The following GBF1 variants were observed in gnomAD, a reference collection of about 807,000 sequenced individuals.
GBF1 encodes the protein Golgi-specific brefeldin A-resistance guanine nucleotide exchange factor 1.
In GBF1, 114 loss-of-function variants were observed where a neutral mutation model predicts 210.5. That is an observed-to-expected ratio of 0.54 (90% CI 0.47 to 0.63). GBF1 has a LOEUF of 0.63. GBF1 is among the 30% of genes least tolerant of loss of function. GBF1 has a pLI of 0.00. For missense variants in GBF1, 1,851 were observed against 2,357.7 expected (o/e 0.79, Z 4.45); for synonymous variants, 850 against 889.2 (o/e 0.96, Z 0.78).
intron 3 of GBF1, among the ~76,000 whole-genome samples, chr10:102,281,574 A>G (rs1276420862): frequency 1.3e-5 from 2 of 149,048 alleles, no homozygotes; most frequent in Non-Finnish European, 3.0e-5. Flanking sequence ...TTATATTTAT[A>G]TAAATTGTTA....
At chr10:102,351,229 T>A in intron 4 of GBF1, 27 bp from the exon 5 acceptor site, 1 of 1,252,086 alleles carries the variant, frequency 8.0e-7, no homozygotes, top group Non-Finnish European at 1.2e-6. Flanking sequence ...TCCACATCAC[T>A]TAATCTTTCC....
At chr10:102,250,208 T>G (rs1453535869) in intron 1 of GBF1, among the ~76,000 whole-genome samples, 3 of 152,186 alleles carry the variant, frequency 2.0e-5, no homozygotes, top group South Asian at 2.1e-4. Flanking sequence ...AATAATTTTT[T>G]TTTGAGACAG....
intron 3 of GBF1, among the ~76,000 whole-genome samples, chr10:102,306,522 C>CA (rs1240889984): frequency 2.0e-5 from 3 of 152,224 alleles, no homozygotes; most frequent in Admixed American, 1.3e-4. Context: ...CTCCCAGGTT[C>CA]AAGCGATTCT....
intron 4 of GBF1, among the ~76,000 whole-genome samples, chr10:102,345,449 GAGAC>G (rs2134623788): frequency 6.6e-6 from 1 of 151,068 alleles, no homozygotes; most frequent in Non-Finnish European, 1.5e-5. Context: ...TCAGGAGTTT[GAGAC>G]CAGCCTAACA....
At chr10:102,287,049 CCTT>C (rs561865593) in intron 3 of GBF1, among the ~76,000 whole-genome samples, 2 of 152,024 alleles carry the variant, frequency 1.3e-5, no homozygotes, top group Non-Finnish European at 2.9e-5. Flanking sequence ...CAGTGGAGCC[CCTT>C]CTTTAGGCAT....
intron 3 of GBF1, among the ~76,000 whole-genome samples, chr10:102,323,429 A>AG (rs1417389820): frequency 6.6e-6 from 1 of 152,106 alleles, no homozygotes; most frequent in Non-Finnish European, 1.5e-5. Context: ...TGGCACTGTA[A>AG]GGGACTACCT....
intron 3 of GBF1, among the ~76,000 whole-genome samples, chr10:102,290,054 G>A (rs1053207022): frequency 5.3e-5 from 8 of 152,012 alleles, no homozygotes; most frequent in African/African-American, 1.5e-4. Flanking sequence ...AAGACTTCAA[G>A]TGAGCCATAA....
intron 3 of GBF1, among the ~76,000 whole-genome samples, chr10:102,319,315 G>A (rs1053222499): frequency 4.7e-5 from 7 of 149,368 alleles, no homozygotes; most frequent in Non-Finnish European, 7.5e-5. Context: ...GTGAGACTCC[G>A]TCTCAACAAC....
At chr10:102,370,647 G>A in intron 28 of GBF1, 60 bp from the exon 29 acceptor site, 1 of 1,549,558 alleles carries the variant, frequency 6.5e-7, no homozygotes, top group South Asian at 1.1e-5. Flanking sequence ...AGGCCTAGGG[G>A]ACCTGTTGCC....
intron 13 of GBF1, 115 bp from the exon 14 acceptor site, chr10:102,361,603 A>T: frequency 1.5e-6 from 1 of 665,418 alleles, no homozygotes; most frequent in Non-Finnish European, 2.6e-6. Context: ...GTCTCTTAAT[A>T]CATGCCTCTA....
chr10:102,256,971 A>G (rs965714511), intron 1 of GBF1, among the ~76,000 whole-genome samples: 40 of 152,226 alleles, frequency 2.6e-4, no homozygotes, highest in African/African-American at 9.4e-4. Context: ...CCAAGAGTTC[A>G]AGTCTGCAGT....
chr10:102,345,532 A>G (rs893165422), intron 4 of GBF1, among the ~76,000 whole-genome samples: 1 of 150,202 alleles, frequency 6.7e-6, no homozygotes, highest in Non-Finnish European at 1.5e-5. Flanking sequence ...CTGTAATCCC[A>G]GCTACTCAGG....
intron 2 of GBF1, 46 bp downstream of exon 2, chr10:102,259,080 G>C (rs768770047): frequency 2.2e-6 from 2 of 918,146 alleles, no homozygotes; most frequent in Non-Finnish European, 3.7e-6. Flanking sequence ...GTTTTTATAG[G>C]GGATCTGTTG....
chr10:102,274,168 T>A (rs2074697178), intron 3 of GBF1, among the ~76,000 whole-genome samples: 1 of 152,224 alleles, frequency 6.6e-6, no homozygotes, highest in Non-Finnish European at 1.5e-5. Context: ...GGCTGGTGAT[T>A]TGAGAAGCTC....
intron 3 of GBF1, among the ~76,000 whole-genome samples, chr10:102,281,734 A>G (rs1360065096): frequency 1.3e-5 from 2 of 151,676 alleles, no homozygotes; most frequent in Non-Finnish European, 2.9e-5. Flanking sequence ...GTCACAATTA[A>G]TGAACAAATA....
intron 1 of GBF1, 109 bp from the exon 2 acceptor site, chr10:102,258,820 C>CTGAAAAGT (rs1229859521): frequency 4.6e-5 from 23 of 503,436 alleles, no homozygotes; most frequent in African/African-American, 3.7e-4. Flanking sequence ...AATCTTGGTA[C>CTGAAAAGT]TGAAAAGTTA....
intron 17 of GBF1, among the ~76,000 whole-genome samples, chr10:102,364,283 G>A (rs550976711): frequency 3.1e-5 from 4 of 128,690 alleles, no homozygotes; most frequent in East Asian, 5.4e-4. Flanking sequence ...GGAGTGCAGT[G>A]GCATGATCTC....
At chr10:102,296,149 A>G (rs1435222001) in intron 3 of GBF1, among the ~76,000 whole-genome samples, 1 of 152,204 alleles carries the variant, frequency 6.6e-6, no homozygotes, top group Non-Finnish European at 1.5e-5. Flanking sequence ...GTTTCACAGA[A>G]GAAACTAAAA....
intron 3 of GBF1, among the ~76,000 whole-genome samples, chr10:102,312,437 G>A (rs1420651226): frequency 1.1e-4 from 16 of 152,178 alleles, no homozygotes; most frequent in Non-Finnish European, 1.5e-5. Flanking sequence ...TGGTTGGCAA[G>A]CATTTATAAA....
Sources: gnomAD v4.1 joint callset for allele counts (sites outside exome capture counted in the v4.1 genomes callset) on GRCh38, gnomAD v4.1.1 for gene constraint, MANE v1.5 for transcripts, NCBI Gene and HGNC (gene_info 2026-07-23, HGNC 2026-07-21) for gene names.